The following MARCHF5 variants were observed in gnomAD, a reference collection of about 807,000 sequenced individuals.
MARCHF5 encodes E3 ubiquitin-protein ligase MARCHF5.
In MARCHF5, 5 loss-of-function variants were observed where a neutral mutation model predicts 36.5. That is an observed-to-expected ratio of 0.14 (90% confidence interval 0.07 to 0.29). MARCHF5 has a LOEUF of 0.29. Among genes scored for constraint, MARCHF5 ranks in the 10% least tolerant of loss-of-function variants. The probability of loss-of-function intolerance (pLI) is 1.00; values close to 1 mark genes in which losing one functional copy is unlikely to be tolerated. For synonymous variants in MARCHF5, 103 were observed against 109.9 expected (o/e 0.94, Z 0.39); for missense variants, 179 against 336.3 (o/e 0.53, Z 3.66).
intron 2 of MARCHF5, among the ~76,000 whole-genome samples, chr10:92,318,736 T>C (rs1403270055): frequency 2.0e-5 from 3 of 152,034 alleles, no homozygotes; most frequent in Non-Finnish European, 4.4e-5. Context: ...CTCACTCTTG[T>C]CTCCCAGGCT....
intron 1 of MARCHF5, among the ~76,000 whole-genome samples, chr10:92,292,984 C>T (rs559131465): frequency 6.6e-6 from 1 of 152,162 alleles, no homozygotes; most frequent in Non-Finnish European, 1.5e-5. Context: ...GAGGAAACCA[C>T]CTGCCACTGC....
intron 1 of MARCHF5, among the ~76,000 whole-genome samples, chr10:92,295,832 T>C (rs1027971236): frequency 2.0e-5 from 3 of 152,076 alleles, no homozygotes; most frequent in African/African-American, 7.2e-5. Flanking sequence ...GTGGAAAGAA[T>C]ACATATACAT....
At chr10:92,318,222 T>C (rs1307409486) in intron 2 of MARCHF5, among the ~76,000 whole-genome samples, 11 of 150,704 alleles carry the variant, frequency 7.3e-5, no homozygotes, top group Admixed American at 7.3e-4. Context: ...AGTGCAGGAG[T>C]TTGAAACCAG....
chr10:92,333,710 T>C (rs1843467440), intron 2 of MARCHF5: 4 of 958,494 alleles, frequency 4.2e-6, no homozygotes. Context: ...TCAAGTTAAG[T>C]TAGTCTTTGC....
chr10:92,338,274 C>T (rs1200398390), intron 2 of MARCHF5, among the ~76,000 whole-genome samples: 1 of 152,178 alleles, frequency 6.6e-6, no homozygotes, highest in African/African-American at 2.4e-5. Context: ...CTACTACTAG[C>T]ATTTGAGGGA....
rs1423761772 is a variant in MARCHF5 at position 92,352,080 on chromosome 10, C to T, written c.*873C>T. 6.6e-6 allele frequency: 1 copy of T among 152,580 alleles called. No homozygotes were observed. The highest frequency in any genetic ancestry group is 1.5e-5 in the Non-Finnish European group (1 of 68,044). The allele number at this position is 152,580 out of a possible 1,614,324, so 9.5% of individuals were successfully genotyped here. A position where few individuals can be genotyped will look rare whatever the true frequency, so the allele number is the denominator to read the frequency against. On this transcript the variant is annotated 3_prime_UTR_variant, in exon 6 of 6. Transcript: ENST00000358935. ...AAAATAAAAATAAAGTTATTTTACT[C>T]TCCTCTTGCATTGATTCAGTTATTG...
chr10:92,323,981 A>G (rs1460856086), intron 2 of MARCHF5, among the ~76,000 whole-genome samples: 1 of 152,224 alleles, frequency 6.6e-6, no homozygotes, highest in Non-Finnish European at 1.5e-5. Flanking sequence ...CCTTGAAACT[A>G]TCCTCCAAAG....
intron 1 of MARCHF5, among the ~76,000 whole-genome samples, chr10:92,307,227 G>A (rs1005390987): frequency 6.0e-5 from 9 of 150,808 alleles, no homozygotes; most frequent in Non-Finnish European, 1.3e-4. Context: ...GTGCATGCAC[G>A]CACGTGCCCT....
At chr10:92,304,255 A>G (rs1843047736) in intron 1 of MARCHF5, among the ~76,000 whole-genome samples, 2 of 152,206 alleles carry the variant, frequency 1.3e-5, no homozygotes. Context: ...CATCACTGTC[A>G]TCATTGTCAA....
chr10:92,339,002 G>T (rs1257332461), intron 2 of MARCHF5, among the ~76,000 whole-genome samples: 1 of 146,920 alleles, frequency 6.8e-6, no homozygotes, highest in Non-Finnish European at 1.5e-5. Context: ...CCGAGATTGT[G>T]CCACTGCACT....
At chr10:92,311,602 T>C (rs1295934147) in intron 2 of MARCHF5, among the ~76,000 whole-genome samples, 1 of 152,126 alleles carries the variant, frequency 6.6e-6, no homozygotes, top group African/African-American at 2.4e-5. Context: ...CCTGTGTGGA[T>C]ATAATTGAAT....
At chr10:92,313,116 C>T (rs927397357) in intron 2 of MARCHF5, among the ~76,000 whole-genome samples, 1 of 152,092 alleles carries the variant, frequency 6.6e-6, no homozygotes, top group African/African-American at 2.4e-5. Flanking sequence ...TGCCTGTAGT[C>T]CCAGCTACTC....
At chr10:92,327,419 G>A (rs1270451633) in intron 2 of MARCHF5, among the ~76,000 whole-genome samples, 1 of 150,508 alleles carries the variant, frequency 6.6e-6, no homozygotes, top group African/African-American at 2.4e-5. Context: ...CTCCATTGAT[G>A]GACATACAGG....
chr10:92,335,621 AT>A (rs1369348949), intron 2 of MARCHF5, among the ~76,000 whole-genome samples: 2 of 152,200 alleles, frequency 1.3e-5, no homozygotes, highest in Non-Finnish European at 2.9e-5. Flanking sequence ...CCTCCATTTT[AT>A]CTGGTACATC....
intron 1 of MARCHF5, among the ~76,000 whole-genome samples, chr10:92,309,848 A>G (rs1296804223): frequency 6.6e-6 from 1 of 152,122 alleles, no homozygotes; most frequent in Non-Finnish European, 1.5e-5. Context: ...AAAAAGAACA[A>G]AGTATTTTTG....
chr10:92,304,218 T>G (rs977813447), intron 1 of MARCHF5, among the ~76,000 whole-genome samples: 12 of 152,218 alleles, frequency 7.9e-5, no homozygotes, highest in Non-Finnish European at 1.5e-4. Flanking sequence ...TCCATAAATT[T>G]TAGGAACTTG....
intron 3 of MARCHF5, among the ~76,000 whole-genome samples, chr10:92,345,269 G>C (rs1351345256): frequency 6.6e-6 from 1 of 152,088 alleles, no homozygotes; most frequent in African/African-American, 2.4e-5. Context: ...CCAGCACGTT[G>C]GGAAGCTGAG....
At chr10:92,296,748 G>C (rs1191065043) in intron 1 of MARCHF5, among the ~76,000 whole-genome samples, 10 of 152,178 alleles carry the variant, frequency 6.6e-5, no homozygotes, top group Non-Finnish European at 1.5e-5. Context: ...AAAGAGCAGA[G>C]AGAGTGGTCT....
At position 92,350,131 on chromosome 10, in the gene MARCHF5, C is replaced by G. The variant is rs149393722; in HGVS notation, c.720+294C>G. On this transcript the variant is annotated intron_variant, in intron 5 of 5. Coordinates refer to ENST00000358935, the MANE Select transcript of MARCHF5 (RefSeq NM_017824.5). ...TTACAGTACTTTACGATCAGACCACCTGGTTCAAATCCCATCACAGAAATT... is the reference window on the plus strand; with the variant it reads ...TTACAGTACTTTACGATCAGACCACGTGGTTCAAATCCCATCACAGAAATT... 40 of 289,736 alleles carry G rather than the reference C, an allele frequency of 1.4e-4. No individual in the cohort carries two copies. In the East Asian group the frequency reaches 3.0e-3, roughly 21 times the overall value. 17.9% of individuals were successfully genotyped at this position (289,736 alleles called of 1,614,324 possible).
Sources: allele counts gnomAD v4.1 joint callset (sites outside exome capture counted in the v4.1 genomes callset), GRCh38; gene constraint gnomAD v4.1.1; transcripts MANE v1.5; gene names NCBI Gene and HGNC (gene_info 2026-07-23, HGNC 2026-07-21).